The following NEDD4 variants were observed in gnomAD, a reference collection of about 807,000 sequenced individuals.
NEDD4 encodes NEDD4 E3 ubiquitin protein ligase.
Under a neutral mutation model 144.9 loss-of-function variants are expected in NEDD4, and 99 were observed. The observed-to-expected ratio is 0.68, with a 90% CI of 0.58 to 0.81. The LOEUF (loss-of-function observed/expected upper bound fraction) is 0.81, where lower values mean the gene tolerates loss of function less well. Ranked by LOEUF, NEDD4 falls within the 30% of genes least tolerant of loss-of-function variation. The pLI is 0.00. For synonymous variants in NEDD4, 318 were observed against 350.6 expected, an observed-to-expected ratio of 0.91 and a Z score of 1.04; for missense variants, 985 against 1,065.9, an observed-to-expected ratio of 0.92 and a Z score of 1.06.
intron 1 of NEDD4, among the ~76,000 whole-genome samples, chr15:55,973,590 C>T (rs1434460934): frequency 6.6e-6 from 1 of 151,640 alleles, no homozygotes; most frequent in Non-Finnish European, 1.5e-5. Flanking sequence ...TCTCTGACTA[C>T]AACAGAATAA....
chr15:55,960,530 G>A (rs2037407722), intron 2 of NEDD4, among the ~76,000 whole-genome samples: 1 of 152,180 alleles, frequency 6.6e-6, no homozygotes, highest in African/African-American at 2.4e-5. Flanking sequence ...ACTGAAGGCT[G>A]CATTGTTGGC....
At chr15:55,856,304 T>C (rs926212263) in intron 11 of NEDD4, 108 bp from the exon 12 acceptor site, 2 of 925,612 alleles carry the variant, frequency 2.2e-6, no homozygotes, top group East Asian at 2.7e-5. Flanking sequence ...GAGAGAAGGC[T>C]GGCTAGGATG....
chr15:55,868,056 CAAAAA>C (rs201455596), intron 8 of NEDD4, among the ~76,000 whole-genome samples: 1 of 109,250 alleles, frequency 9.2e-6, no homozygotes. Flanking sequence ...ACTCTGACTC[CAAAAA>C]AAAAAAAAAA....
At chr15:55,964,889 G>C (rs532144548) in intron 2 of NEDD4, among the ~76,000 whole-genome samples, 3 of 152,028 alleles carry the variant, frequency 2.0e-5, no homozygotes, top group African/African-American at 7.2e-5. Context: ...CCTCGGAAGT[G>C]AGTGAGTTCT....
chr15:55,863,633 A>G (rs2034486563), intron 8 of NEDD4, among the ~76,000 whole-genome samples: 1 of 152,230 alleles, frequency 6.6e-6, no homozygotes, highest in African/African-American at 2.4e-5. Flanking sequence ...TAAATAAACA[A>G]CCACGGAAAG....
chr15:55,871,806 CT>C, intron 7 of NEDD4, among the ~76,000 whole-genome samples: 1 of 152,074 alleles, frequency 6.6e-6, no homozygotes, highest in East Asian at 1.9e-4. Flanking sequence ...TTAGTTTGAC[CT>C]TTTTGACAGT....
intron 21 of NEDD4, among the ~76,000 whole-genome samples, chr15:55,840,169 C>A (rs982268250): frequency 1.3e-5 from 2 of 150,374 alleles, no homozygotes; most frequent in Admixed American, 6.6e-5. Context: ...CATGAAGAAA[C>A]TAAGACAGAC....
intron 13 of NEDD4, among the ~76,000 whole-genome samples, chr15:55,850,964 G>T (rs1566909599): frequency 6.6e-6 from 1 of 151,760 alleles, no homozygotes; most frequent in Admixed American, 6.6e-5. Context: ...AAATTATTTT[G>T]TAAAACTTTA....
intron 4 of NEDD4, among the ~76,000 whole-genome samples, chr15:55,938,694 T>C (rs529205814): frequency 1.3e-5 from 2 of 152,210 alleles, no homozygotes; most frequent in African/African-American, 4.8e-5. Flanking sequence ...GGAAAAATAT[T>C]TGCAGACCAT....
intron 1 of NEDD4, among the ~76,000 whole-genome samples, chr15:55,985,536 T>C (rs1380626084): frequency 6.6e-6 from 1 of 152,194 alleles, no homozygotes; most frequent in Non-Finnish European, 1.5e-5. Flanking sequence ...GGAAGTTAGT[T>C]ACACTGAACA....
intron 18 of NEDD4, among the ~76,000 whole-genome samples, 159 bp from the exon 19 acceptor site, chr15:55,842,322 G>A (rs544732491): frequency 4.1e-4 from 63 of 152,238 alleles, no homozygotes; most frequent in Admixed American, 1.6e-3. Flanking sequence ...TATTGTCTTG[G>A]TTTCCTCTAT....
intron 4 of NEDD4, among the ~76,000 whole-genome samples, chr15:55,935,541 C>T (rs1275661565): frequency 6.6e-6 from 1 of 151,900 alleles, no homozygotes. Context: ...AGGTTTTTTA[C>T]TTTTTTAAAG....
In NEDD4 at chr15:55,942,160, G is replaced by A. The variant is rs141325621; in HGVS notation, c.237+9216C>T. Among the ~76,000 whole-genome samples the A allele has an allele frequency of 1.8e-4, 27 of 151,986 alleles. 1 individual carries two copies. Among genetic ancestry groups the A allele is most frequent in the African/African-American group, 4.6e-4 (19 of 41,458 alleles). On this transcript the variant is annotated intron_variant, in intron 4 of 28. Transcript: ENST00000435532. ...ATTTAGTTCTGTCAATTTTGACTTC[G>A]TAATTTTAAAGATTACTAGGTCCAT...
chr15:55,830,389 T>C, intron 28 of NEDD4, 125 bp downstream of exon 28: 1 of 868,374 alleles, frequency 1.2e-6, no homozygotes, highest in Non-Finnish European at 1.9e-6. Flanking sequence ...ACCAACTCCT[T>C]CTTACCCATA....
At chr15:55,972,864 C>T (rs1300881876) in intron 1 of NEDD4, among the ~76,000 whole-genome samples, 3 of 151,884 alleles carry the variant, frequency 2.0e-5, no homozygotes, top group South Asian at 2.1e-4. Context: ...GATTTCAATA[C>T]AAAAACTAAA....
intron 14 of NEDD4, among the ~76,000 whole-genome samples, chr15:55,849,758 TA>T (rs1471791294): frequency 6.6e-6 from 1 of 150,892 alleles, no homozygotes; most frequent in Non-Finnish European, 1.5e-5. Flanking sequence ...AATAATTAAT[TA>T]AAATATATTC....
chr15:55,856,219 G>A, intron 11 of NEDD4, 23 bp from the exon 12 acceptor site: 1 of 1,603,784 alleles, frequency 6.2e-7, no homozygotes, highest in East Asian at 2.2e-5. Context: ...CAAGACAACA[G>A]AAGAATACCT....
At chr15:55,861,477 C>CT (rs1180959931) in intron 9 of NEDD4, among the ~76,000 whole-genome samples, 1 of 151,912 alleles carries the variant, frequency 6.6e-6, no homozygotes, top group Non-Finnish European at 1.5e-5. Context: ...TATTTAATAG[C>CT]TTAACAGGTG....
intron 13 of NEDD4, among the ~76,000 whole-genome samples, chr15:55,851,820 G>C (rs2033994348): frequency 6.6e-6 from 1 of 152,058 alleles, no homozygotes; most frequent in Admixed American, 6.5e-5. Context: ...AAGATTATCT[G>C]TTAGTTAAAA....
Sources: allele counts gnomAD v4.1 joint callset (sites outside exome capture counted in the v4.1 genomes callset), GRCh38; gene constraint gnomAD v4.1.1; transcripts MANE v1.5; gene names NCBI Gene and HGNC (gene_info 2026-07-23, HGNC 2026-07-21).